The following MSRA variants were observed in gnomAD, a reference collection of about 807,000 sequenced individuals.
MSRA encodes the protein mitochondrial peptide methionine sulfoxide reductase.
Under a neutral mutation model 31.3 loss-of-function variants are expected in MSRA, and 54 were observed. That is an observed-to-expected ratio of 1.73 (90% CI 1.39 to 2.17). The LOEUF (loss-of-function observed/expected upper bound fraction) is 2.17, where lower values mean the gene tolerates loss of function less well. MSRA is among the 30% of genes most tolerant of loss of function. MSRA has a pLI of 0.00. For synonymous variants in MSRA, 169 were observed against 116.5 expected (o/e 1.45, Z -2.90); for missense variants, 507 against 300.9 (o/e 1.69, Z -5.07).
chr8:10,095,819 C>G (rs1799115231), intron 1 of MSRA: 21 of 1,240,580 alleles, frequency 1.7e-5, no homozygotes, highest in Non-Finnish European at 2.1e-5. Context: ...AAATAAAAGC[C>G]TTTTTCAAAA....
At position 10,406,774 on chromosome 8, in the gene MSRA, T is replaced by TG. The variant is rs1320509960; in HGVS notation, c.544-21373dup. 2.0e-5 allele frequency among the ~76,000 whole-genome samples: 3 copies of TG among 152,234 alleles called. No individual in the cohort carries two copies. In the East Asian group the frequency reaches 5.8e-4, roughly 29 times the overall value. On this transcript the variant is annotated intron_variant, in intron 5 of 5. Coordinates refer to ENST00000317173, the MANE Select transcript of MSRA (RefSeq NM_012331.5). ...AATTTTCCATATTTCTGAAAAGTCA[T>TG]GTTGTTTGGCCCACTTTCTAGGCCC...
intron 1 of MSRA, among the ~76,000 whole-genome samples, chr8:10,066,155 C>T (rs953948977): frequency 6.6e-6 from 1 of 152,096 alleles, no homozygotes; most frequent in Non-Finnish European, 1.5e-5. Context: ...TCTTGAGTAG[C>T]TGGGATTACA....
At chr8:10,426,257 C>T (rs576920844) in intron 5 of MSRA, among the ~76,000 whole-genome samples, 3 of 152,134 alleles carry the variant, frequency 2.0e-5, no homozygotes, top group Non-Finnish European at 2.9e-5. Context: ...AGCTGGGGCC[C>T]GGTCATGGAA....
intron 1 of MSRA, among the ~76,000 whole-genome samples, chr8:10,149,164 T>C (rs1803428668): frequency 6.6e-6 from 1 of 151,272 alleles, no homozygotes; most frequent in Non-Finnish European, 1.5e-5. Context: ...TCTCGTCGCC[T>C]GGGCTGGAGT....
At chr8:10,132,798 C>T (rs557646011) in intron 1 of MSRA, among the ~76,000 whole-genome samples, 14 of 152,258 alleles carry the variant, frequency 9.2e-5, no homozygotes, top group East Asian at 5.8e-4. Context: ...ACAGTTTACC[C>T]GGAGTCATAA....
intron 5 of MSRA, among the ~76,000 whole-genome samples, chr8:10,395,451 A>G (rs1452246798): frequency 6.6e-6 from 1 of 152,186 alleles, no homozygotes; most frequent in African/African-American, 2.4e-5. Context: ...AAAATATGGA[A>G]GAAACATTTA....
chr8:10,323,215 A>T (rs1585469528), intron 5 of MSRA, among the ~76,000 whole-genome samples: 1 of 152,156 alleles, frequency 6.6e-6, no homozygotes, highest in South Asian at 2.1e-4. Flanking sequence ...ACAGGAACCA[A>T]CCCCAACCAA....
At chr8:10,054,697 T>C (rs1370679186) in intron 1 of MSRA, 39 bp downstream of exon 1, 14 of 1,475,016 alleles carry the variant, frequency 9.5e-6, no homozygotes, top group Non-Finnish European at 1.2e-5. Context: ...GCGGCGACGC[T>C]GCGCATGCGC....
chr8:10,162,342 A>G lies in MSRA; in HGVS notation c.143-45491A>G, dbSNP rs73664930. Reference sequence around the variant, plus strand: ...AGATGTCTCTTTCTCTCCTTGCACCATGGGAGGACGAAATGGGAGTCTGGC... The same window carrying G: ...AGATGTCTCTTTCTCTCCTTGCACCGTGGGAGGACGAAATGGGAGTCTGGC... On this transcript the variant is annotated intron_variant, in intron 1 of 5. Coordinates refer to ENST00000317173, the MANE Select transcript of MSRA (RefSeq NM_012331.5). Among the ~76,000 whole-genome samples the G allele has an allele frequency of 7.8e-4, 119 of 152,312 alleles. 1 individual carries two copies. Among genetic ancestry groups the G allele is most frequent in the African/African-American group, 2.5e-3 (102 of 41,574 alleles).
At chr8:10,167,672 C>A (rs924704168) in intron 1 of MSRA, among the ~76,000 whole-genome samples, 1 of 152,156 alleles carries the variant, frequency 6.6e-6, no homozygotes, top group Non-Finnish European at 1.5e-5. Context: ...CCCCTACATC[C>A]TAACCTTTGT....
At chr8:10,385,964 T>A (rs1287984609) in intron 5 of MSRA, among the ~76,000 whole-genome samples, 1 of 152,102 alleles carries the variant, frequency 6.6e-6, no homozygotes, top group East Asian at 1.9e-4. Flanking sequence ...AAGGTGGCTT[T>A]CTGGAGATAG....
At chr8:10,145,274 T>C (rs764339903) in intron 1 of MSRA, among the ~76,000 whole-genome samples, 1 of 152,122 alleles carries the variant, frequency 6.6e-6, no homozygotes, top group Non-Finnish European at 1.5e-5. Context: ...AGGAATAAAA[T>C]AATTCATACG....
chr8:10,129,918 A>G (rs954505990), intron 1 of MSRA, among the ~76,000 whole-genome samples: 4 of 152,136 alleles, frequency 2.6e-5, no homozygotes, highest in African/African-American at 7.2e-5. Flanking sequence ...ATACATATCT[A>G]TATATAAAAC....
intron 5 of MSRA, among the ~76,000 whole-genome samples, chr8:10,398,196 G>A (rs947306631): frequency 1.3e-5 from 2 of 152,248 alleles, no homozygotes; most frequent in African/African-American, 2.4e-5. Context: ...AGTTCTTTTC[G>A]CTCAGTCCAG....
intron 1 of MSRA, among the ~76,000 whole-genome samples, chr8:10,097,729 T>C (rs6982568): frequency 0.012 from 1,760 of 152,290 alleles, 34 homozygotes; most frequent in African/African-American, 0.038. Flanking sequence ...AACAAACTTA[T>C]ATCCAAACTA....
intron 5 of MSRA, among the ~76,000 whole-genome samples, chr8:10,379,689 G>A (rs537871485): frequency 1.1e-4 from 16 of 152,266 alleles, no homozygotes; most frequent in Admixed American, 8.5e-4. Context: ...CTGGGGCCAC[G>A]TACATAACAC....
chr8:10,301,238 G>T (rs1800827524), intron 3 of MSRA, among the ~76,000 whole-genome samples: 1 of 152,152 alleles, frequency 6.6e-6, no homozygotes, highest in Non-Finnish European at 1.5e-5. Flanking sequence ...TTTCCTGAGT[G>T]AGCTTAGAAA....
At chr8:10,190,585 G>C (rs1261548448) in intron 1 of MSRA, among the ~76,000 whole-genome samples, 1 of 152,212 alleles carries the variant, frequency 6.6e-6, no homozygotes, top group South Asian at 2.1e-4. Flanking sequence ...TTTCATGTCT[G>C]TCTTCCTTGG....
intron 1 of MSRA, among the ~76,000 whole-genome samples, chr8:10,067,630 C>T (rs971701186): frequency 2.6e-5 from 4 of 152,172 alleles, no homozygotes; most frequent in African/African-American, 9.7e-5. Flanking sequence ...TTTTGCATTG[C>T]CACCAGCAAT....
Sources: gnomAD v4.1 joint callset for allele counts (sites outside exome capture counted in the v4.1 genomes callset) on GRCh38, gnomAD v4.1.1 for gene constraint, MANE v1.5 for transcripts, NCBI Gene and HGNC (gene_info 2026-07-23, HGNC 2026-07-21) for gene names.